Variants in PPM1L observed in about 807,000 individuals in gnomAD.
The protein encoded by PPM1L is protein phosphatase, Mg2+/Mn2+ dependent 1L, also known as protein phosphatase 1L.
In PPM1L, 13 loss-of-function variants were observed where a neutral mutation model predicts 31.4. The observed-to-expected ratio is 0.41, with a 90% confidence interval of 0.27 to 0.66. The LOEUF (loss-of-function observed/expected upper bound fraction) is 0.66. Among genes scored for constraint, PPM1L ranks in the 30% least tolerant of loss-of-function variants. PPM1L has a pLI of 0.29. For synonymous variants in PPM1L, 184 were observed against 175.4 expected (o/e 1.05, Z -0.39); for missense variants, 326 against 453.7 (o/e 0.72, Z 2.56).
At chr3:160,875,396 G>A (rs951883542) in intron 1 of PPM1L, among the ~76,000 whole-genome samples, 2 of 152,166 alleles carry the variant, frequency 1.3e-5, no homozygotes, top group African/African-American at 4.8e-5. Flanking sequence ...ATTTATAGTT[G>A]TGTGACAGCT....
intron 2 of PPM1L, among the ~76,000 whole-genome samples, chr3:161,038,494 A>G (rs949403637): frequency 1.3e-5 from 2 of 148,816 alleles, no homozygotes; most frequent in Non-Finnish European, 3.0e-5. Context: ...ATTTATGTGT[A>G]GAAACGTGGT....
intron 2 of PPM1L, among the ~76,000 whole-genome samples, chr3:160,962,172 A>T (rs1172025910): frequency 1.3e-5 from 2 of 152,110 alleles, no homozygotes; most frequent in African/African-American, 4.8e-5. Flanking sequence ...GTACTCCTAA[A>T]GTGTTATTTC....
chr3:160,927,886 G>A (rs189632450), intron 1 of PPM1L, among the ~76,000 whole-genome samples: 2 of 152,232 alleles, frequency 1.3e-5, no homozygotes, highest in East Asian at 3.9e-4. Context: ...CACATAGTGT[G>A]TAGTAGGTAC....
At chr3:160,827,955 C>G (rs1713406433) in intron 1 of PPM1L, among the ~76,000 whole-genome samples, 1 of 151,938 alleles carries the variant, frequency 6.6e-6, no homozygotes, top group Non-Finnish European at 1.5e-5. Flanking sequence ...AGAGAAAGAG[C>G]AAGAGAGGTA....
chr3:160,995,699 A>G (rs1717296715), intron 2 of PPM1L, among the ~76,000 whole-genome samples: 1 of 152,186 alleles, frequency 6.6e-6, no homozygotes, highest in Admixed American at 6.6e-5. Context: ...AATGAGAGAA[A>G]CTATTGATGC....
At chr3:161,063,450 A>G (rs1719632194) in intron 2 of PPM1L, among the ~76,000 whole-genome samples, 1 of 151,426 alleles carries the variant, frequency 6.6e-6, no homozygotes, top group Non-Finnish European at 1.5e-5. Context: ...TTCAAGCAGA[A>G]CTATAATAAC....
chr3:160,968,429 A>G (rs1454336051), intron 2 of PPM1L, among the ~76,000 whole-genome samples: 1 of 152,210 alleles, frequency 6.6e-6, no homozygotes, highest in Non-Finnish European at 1.5e-5. Flanking sequence ...CACTGTCCAA[A>G]GCATCATCAA....
rs140024956 is a variant in PPM1L, at chr3:160,772,165, C to T, written c.399+15458C>T. On this transcript the variant is annotated intron_variant, in intron 1 of 3. Transcript: ENST00000498165. The stretch of plus-strand genomic sequence containing the variant: ...GTCATGGGGTAAAGAACTGGGATCC[C>T]GACAGTGGTCAGAGAAGCTCTCTAT... Among the ~76,000 whole-genome samples, 120 of 152,190 alleles carry T rather than the reference C, an allele frequency of 7.9e-4. No individual in the cohort carries two copies. The East Asian group carries it at 0.012, about 15-fold the overall frequency.
intron 1 of PPM1L, among the ~76,000 whole-genome samples, chr3:160,789,869 C>T (rs1029198858): frequency 6.6e-6 from 1 of 151,966 alleles, no homozygotes. Flanking sequence ...GGAGACCCCT[C>T]CCCACTGTGG....
In PPM1L at chr3:161,075,368, G is replaced by A. The variant is rs1322805227; in HGVS notation, c.*6211G>A. ...CAGATTTTTACTATATATAGGTTGT[G>A]TTTAATAGTAATTTCTGACACCTGC... On this transcript the variant is annotated 3_prime_UTR_variant, in exon 4 of 4. Transcript: ENST00000498165. 6.6e-6 allele frequency: 1 copy of A among 152,168 alleles called. No homozygotes were observed. The highest frequency in any genetic ancestry group is 2.4e-5 in the African/African-American group (1 of 41,448). The allele number at this position is 152,168 out of a possible 1,614,324, so 9.4% of individuals were successfully genotyped here.
At chr3:161,064,088 A>G (rs541880637) in intron 2 of PPM1L, among the ~76,000 whole-genome samples, 2 of 152,018 alleles carry the variant, frequency 1.3e-5, no homozygotes, top group South Asian at 4.2e-4. Flanking sequence ...TAAAACTTAG[A>G]TGACAGGTTG....
intron 1 of PPM1L, among the ~76,000 whole-genome samples, chr3:160,757,312 G>C (rs1714837055): frequency 6.6e-6 from 1 of 152,244 alleles, no homozygotes; most frequent in Non-Finnish European, 1.5e-5. Flanking sequence ...CGCCTCGCTG[G>C]CCGCTTGTTT....
intron 1 of PPM1L, among the ~76,000 whole-genome samples, chr3:160,875,288 T>TA (rs962312014): frequency 2.0e-5 from 3 of 152,236 alleles, no homozygotes; most frequent in Non-Finnish European, 4.4e-5. Flanking sequence ...TGGGCTATTG[T>TA]AAAATTACTT....
intron 1 of PPM1L, among the ~76,000 whole-genome samples, chr3:160,832,512 T>C (rs945185511): frequency 1.3e-5 from 2 of 152,168 alleles, no homozygotes; most frequent in Non-Finnish European, 1.5e-5. Flanking sequence ...CATACCTTGT[T>C]CTTGTTTTTA....
At chr3:160,797,384 C>G (rs1249691369) in intron 1 of PPM1L, among the ~76,000 whole-genome samples, 1 of 152,170 alleles carries the variant, frequency 6.6e-6, no homozygotes, top group Non-Finnish European at 1.5e-5. Flanking sequence ...TCTCCCTCTC[C>G]TAGGCCTCCC....
intron 2 of PPM1L, among the ~76,000 whole-genome samples, chr3:161,061,573 A>G (rs182455343): frequency 1.3e-5 from 2 of 152,200 alleles, no homozygotes; most frequent in Non-Finnish European, 2.9e-5. Flanking sequence ...AAGCAATAAA[A>G]AACAATATAA....
rs1305042575 is a variant in PPM1L at position 160,929,722 on chromosome 3, G to T, written c.400-32014G>T. On this transcript the variant is annotated intron_variant, in intron 1 of 3. Transcript: ENST00000498165. ...TGCTCCATTGTGAGGTCCTTTCACT[G>T]CTCCAGGCAGTCCTCTGGCAGGATC... 2.0e-5 allele frequency among the ~76,000 whole-genome samples: 3 copies of T among 152,274 alleles called. No individual in the cohort carries two copies. In the East Asian group the frequency reaches 5.8e-4, roughly 29 times the overall value.
intron 2 of PPM1L, among the ~76,000 whole-genome samples, chr3:161,001,008 C>G (rs1417353640): frequency 6.6e-6 from 1 of 152,174 alleles, no homozygotes; most frequent in Non-Finnish European, 1.5e-5. Context: ...AGATTTTAAA[C>G]TCTTCCTAGG....
In PPM1L at chr3:161,069,885, A is replaced by G. The variant is rs1719856269; in HGVS notation, c.*728A>G. 1 of 152,190 alleles carries G rather than the reference A, an allele frequency of 6.6e-6. No individual in the cohort carries two copies. 9.4% of individuals were successfully genotyped at this position (152,190 alleles called of 1,614,324 possible). The stretch of plus-strand genomic sequence containing the variant: ...TTATCCTAATCATGCATGACCGTTA[A>G]CCTTTTGCTTAGTCCTTACCATATG... On this transcript the variant is annotated 3_prime_UTR_variant, in exon 4 of 4. Coordinates refer to ENST00000498165, the MANE Select transcript of PPM1L (RefSeq NM_139245.4).
Sources: gnomAD v4.1 joint callset for allele counts (sites outside exome capture counted in the v4.1 genomes callset) on GRCh38, gnomAD v4.1.1 for gene constraint, MANE v1.5 for transcripts, NCBI Gene and HGNC (gene_info 2026-07-23, HGNC 2026-07-21) for gene names.